Variants in MFSD6 observed in about 807,000 individuals in gnomAD.
MFSD6 encodes the protein major facilitator superfamily domain-containing protein 6.
Under a neutral mutation model 56.3 loss-of-function variants are expected in MFSD6, and 26 were observed. The ratio of observed to expected loss-of-function variants is 0.46; its 90% CI spans 0.34 to 0.64. The LOEUF (loss-of-function observed/expected upper bound fraction) is 0.64. Ranked by LOEUF, MFSD6 falls within the 30% of genes least tolerant of loss-of-function variation. MFSD6 has a pLI of 0.01. For missense variants in MFSD6, 750 were observed against 986.2 expected (o/e 0.76, Z 3.21); for synonymous variants, 331 against 366.9 (o/e 0.90, Z 1.12).
chr2:190,500,283 C>T lies in MFSD6; in HGVS notation c.*65C>T, dbSNP rs953700452. On this transcript the variant is annotated 3_prime_UTR_variant, in exon 8 of 8. Coordinates refer to ENST00000392328, the MANE Select transcript of MFSD6 (RefSeq NM_017694.4). The surrounding 1 kb of genome is among the most constrained non-coding windows in gnomAD (Gnocchi z 5.3). The stretch of plus-strand genomic sequence containing the variant: ...TCCTCAGCCAGGACACAGGGTGAGG[C>T]CCCCCAGCCAGGATATGCCTCCCCT... 18 of 1,559,210 alleles carry T rather than the reference C, an allele frequency of 1.2e-5. No individual in the cohort carries two copies. In the African/African-American group the frequency reaches 1.6e-4, roughly 14 times the overall value.
chr2:190,467,568 G>T lies in MFSD6; in HGVS notation c.1533-2190G>T, dbSNP rs985202704. ...GCGGAGGTTTCAGTGAGCCGAGATC[G>T]TGCCACTGCTCTCTAGCCTCGGCAA... On this transcript the variant is annotated intron_variant, in intron 3 of 7. Coordinates refer to ENST00000392328, the MANE Select transcript of MFSD6 (RefSeq NM_017694.4). The surrounding 1 kb of genome is among the most constrained non-coding windows in gnomAD (Gnocchi z 5.5). Among the ~76,000 whole-genome samples the T allele has an allele frequency of 6.6e-6, 1 of 152,198 alleles. No individual in the cohort carries two copies. Among genetic ancestry groups the T allele is most frequent in the African/African-American group, 2.4e-5 (1 of 41,524 alleles).
chr2:190,412,084 A>C lies in MFSD6; in HGVS notation c.-175-3208A>C, dbSNP rs1690584234. ...AAGCAAGTTATCATAAAGTTAAACT[A>C]ATCTGATGCATATGTACTTGTTAAA... On this transcript the variant is annotated intron_variant, in intron 1 of 7. Transcript: ENST00000392328. The surrounding 1 kb of genome is among the most constrained non-coding windows in gnomAD (Gnocchi z 4.1). 2.0e-5 allele frequency: 20 copies of C among 984,822 alleles called. No individual in the cohort carries two copies. The highest frequency in any genetic ancestry group is 2.4e-5 in the Non-Finnish European group (20 of 829,368). The allele number at this position is 984,822 out of a possible 1,614,324, so 61.0% of individuals were successfully genotyped here.
chr2:190,460,104 T>C lies in MFSD6; in HGVS notation c.1533-9654T>C, dbSNP rs143334381. Among the ~76,000 whole-genome samples, 140 of 152,338 alleles carry C rather than the reference T, an allele frequency of 9.2e-4. 1 individual carries two copies. The highest frequency in any genetic ancestry group is 1.4e-3 in the Non-Finnish European group (98 of 68,038). On this transcript the variant is annotated intron_variant, in intron 3 of 7. Coordinates refer to ENST00000392328, the MANE Select transcript of MFSD6 (RefSeq NM_017694.4). Reference sequence around the variant, plus strand: ...TTACTCTTCTGGTGAGATAGGCTTGTGGTGAGCAGAACCCTGTTATCTGCT... The same window carrying C: ...TTACTCTTCTGGTGAGATAGGCTTGCGGTGAGCAGAACCCTGTTATCTGCT...
At position 190,495,596 on chromosome 2, in the gene MFSD6, T is replaced by A. The variant is rs1209490232; in HGVS notation, c.1892-1843T>A. 6.6e-6 allele frequency among the ~76,000 whole-genome samples: 1 copy of A among 152,124 alleles called. No homozygotes were observed. Among genetic ancestry groups the A allele is most frequent in the Non-Finnish European group, 1.5e-5 (1 of 68,022 alleles). On this transcript the variant is annotated intron_variant, in intron 6 of 7. Transcript: ENST00000392328. This position sits in a 1 kb window ranked among gnomAD's most constrained non-coding sequence, Gnocchi z 4.7. ...GGCATCACACTACCTGATTTCAAAC[T>A]ATACTATAAGGCCATAGTCACCAAA... is the stretch of plus-strand genomic sequence containing the variant.
chr2:190,457,058 C>T lies in MFSD6; in HGVS notation c.1533-12700C>T, dbSNP rs951350847. Among the ~76,000 whole-genome samples, 1 of 152,226 alleles carries T rather than the reference C, an allele frequency of 6.6e-6. No homozygotes were observed. The highest frequency in any genetic ancestry group is 1.5e-5 in the Non-Finnish European group (1 of 68,044). On this transcript the variant is annotated intron_variant, in intron 3 of 7. Coordinates refer to ENST00000392328, the MANE Select transcript of MFSD6 (RefSeq NM_017694.4). This position sits in a 1 kb window ranked among gnomAD's most constrained non-coding sequence, Gnocchi z 5.1. ...TGAGTTCAGAAGTCCAGAAGTCTATCTACACTAACACTGCTAGTCCGTTTC... is the reference window on the plus strand; with the variant it reads ...TGAGTTCAGAAGTCCAGAAGTCTATTTACACTAACACTGCTAGTCCGTTTC...
rs1574188529 is a variant in MFSD6 at position 190,471,561 on chromosome 2, T to A, written c.1630+1706T>A. On this transcript the variant is annotated intron_variant, in intron 4 of 7. Transcript: ENST00000392328. The surrounding 1 kb of genome is among the most constrained non-coding windows in gnomAD (Gnocchi z 4.7). ...CTGGGGGAGGGGCACCCGCCATTGC[T>A]GAGGCTTGAGTAGGTAAACAAAGCA... Among the ~76,000 whole-genome samples the A allele has an allele frequency of 6.6e-6, 1 of 152,286 alleles. No homozygotes were observed. The highest frequency in any genetic ancestry group is 2.1e-4 in the South Asian group (1 of 4,822).
Position 190,461,601 on chromosome 2 carries a change from G to A in MFSD6, c.1533-8157G>A, listed in dbSNP as rs7603607. Among the ~76,000 whole-genome samples the A allele has an allele frequency of 0.44, 66,316 of 152,024 alleles. 15,051 individuals are homozygous for A. Among genetic ancestry groups the A allele is most frequent in the East Asian group, 0.6 (3,103 of 5,164 alleles). On this transcript the variant is annotated intron_variant, in intron 3 of 7. Transcript: ENST00000392328. This position sits in a 1 kb window ranked among gnomAD's most constrained non-coding sequence, Gnocchi z 5.5. ...AGGTTCGGTGACTGGTAAAGGCCTCGTTCTCTGCCTCCCAGATAGCACCTT... is the reference window on the plus strand; with the variant it reads ...AGGTTCGGTGACTGGTAAAGGCCTCATTCTCTGCCTCCCAGATAGCACCTT...
At chr2:190,408,712 T>A (rs1575806645) in intron 1 of MFSD6, among the ~76,000 whole-genome samples, 2 of 134,122 alleles carry the variant, frequency 1.5e-5, no homozygotes, top group Non-Finnish European at 3.3e-5. Context: ...CCTCCCTCCC[T>A]CCCCCGGCTT....
chr2:190,447,496 G>A lies in MFSD6; in HGVS notation c.1532+9935G>A, dbSNP rs1418257040. Reference sequence around the variant, plus strand: ...AGGCCCTATCTTATACATATAGTCTGTGTCATAGCACATATGAAAAAATGA... The same window carrying A: ...AGGCCCTATCTTATACATATAGTCTATGTCATAGCACATATGAAAAAATGA... On this transcript the variant is annotated intron_variant, in intron 3 of 7. Transcript: ENST00000392328. The surrounding 1 kb of genome is among the most constrained non-coding windows in gnomAD (Gnocchi z 4.5). Among the ~76,000 whole-genome samples, 3 of 152,008 alleles carry A rather than the reference G, an allele frequency of 2.0e-5. No homozygotes were observed. Among genetic ancestry groups the A allele is most frequent in the African/African-American group, 7.2e-5 (3 of 41,380 alleles).
At position 190,431,545 on chromosome 2, in the gene MFSD6, A is replaced by T. The variant is rs907119551; in HGVS notation, c.-53-4432A>T. ...CAGCGAAACCCCGTCTCCACCAAAA[A>T]AATACGAAAACCAGTCAGGTGTGGC... On this transcript the variant is annotated intron_variant, in intron 2 of 7. Transcript: ENST00000392328. This position sits in a 1 kb window ranked among gnomAD's most constrained non-coding sequence, Gnocchi z 4.4. Among the ~76,000 whole-genome samples the T allele has an allele frequency of 2.0e-5, 3 of 152,194 alleles. No individual in the cohort carries two copies. The highest frequency in any genetic ancestry group is 7.2e-5 in the African/African-American group (3 of 41,448).
Position 190,413,077 on chromosome 2 carries a change from C to T in MFSD6, c.-175-2215C>T, listed in dbSNP as rs904664794. ...CTATGTTATGGCTTTAAAAAGAGCA[C>T]ACCCTCCCAAACCCCCACCTCTACC... is the stretch of plus-strand genomic sequence containing the variant. On this transcript the variant is annotated intron_variant, in intron 1 of 7. Coordinates refer to ENST00000392328, the MANE Select transcript of MFSD6 (RefSeq NM_017694.4). The surrounding 1 kb of genome is among the most constrained non-coding windows in gnomAD (Gnocchi z 4.1). Among the ~76,000 whole-genome samples, 13 of 152,186 alleles carry T rather than the reference C, an allele frequency of 8.5e-5. No individual in the cohort carries two copies. Among genetic ancestry groups the T allele is most frequent in the Non-Finnish European group, 1.9e-4 (13 of 68,040 alleles).
intron 4 of MFSD6, among the ~76,000 whole-genome samples, chr2:190,483,429 T>A (rs1688814890): frequency 6.6e-6 from 1 of 152,232 alleles, no homozygotes; most frequent in South Asian, 2.1e-4. Flanking sequence ...TGCCTTGGTT[T>A]CCTTTTTGGA....
rs775845991 is a variant in MFSD6, at chr2:190,500,253, C to G, written c.*35C>G. 1 of 1,610,736 alleles carries G rather than the reference C, an allele frequency of 6.2e-7. No individual in the cohort carries two copies. Among genetic ancestry groups the G allele is most frequent in the South Asian group, 1.1e-5 (1 of 90,866 alleles). On this transcript the variant is annotated 3_prime_UTR_variant, in exon 8 of 8. Transcript: ENST00000392328. The surrounding 1 kb of genome is among the most constrained non-coding windows in gnomAD (Gnocchi z 5.3). ...GCTCATCTCACACCCTGCATGGAAT[C>G]AGGCTCCTCAGCCAGGACACAGGGT...
intron 3 of MFSD6, among the ~76,000 whole-genome samples, chr2:190,444,518 A>G (rs564814795): frequency 6.6e-6 from 1 of 152,370 alleles, no homozygotes; most frequent in East Asian, 1.9e-4. Flanking sequence ...TTGCAGATGT[A>G]AAGTGGCTGT....
At position 190,423,420 on chromosome 2, in the gene MFSD6, T is replaced by C. The variant is rs1227238283; in HGVS notation, c.-54+8007T>C. On this transcript the variant is annotated intron_variant, in intron 2 of 7. Transcript: ENST00000392328. The surrounding 1 kb of genome is among the most constrained non-coding windows in gnomAD (Gnocchi z 4.3). The stretch of plus-strand genomic sequence containing the variant: ...TTTGAGATAGGATTTTTTCATTCTA[T>C]AATTATCTGGAAATTTATCCAGTTT... Among the ~76,000 whole-genome samples, 2 of 152,238 alleles carry C rather than the reference T, an allele frequency of 1.3e-5. No individual in the cohort carries two copies. The highest frequency in any genetic ancestry group is 4.8e-5 in the African/African-American group (2 of 41,468).
In MFSD6 at chr2:190,496,658, A is replaced by G. The variant is rs1455162515; in HGVS notation, c.1892-781A>G. On this transcript the variant is annotated intron_variant, in intron 6 of 7. Coordinates refer to ENST00000392328, the MANE Select transcript of MFSD6 (RefSeq NM_017694.4). The surrounding 1 kb of genome is among the most constrained non-coding windows in gnomAD (Gnocchi z 4.7). Reference sequence around the variant, plus strand: ...TGTGTATATATATGTATATGTGTATATGTGTGTGTATGTGTGTGTGTATAT... The same window carrying G: ...TGTGTATATATATGTATATGTGTATGTGTGTGTGTATGTGTGTGTGTATAT... 6.6e-6 allele frequency among the ~76,000 whole-genome samples: 1 copy of G among 151,794 alleles called. No homozygotes were observed. The highest frequency in any genetic ancestry group is 2.4e-5 in the African/African-American group (1 of 41,174).
chr2:190,416,508 C>T lies in MFSD6; in HGVS notation c.-54+1095C>T, dbSNP rs2124987559. ...TTACAATAGTGTGTTCTCCAGTGAA[C>T]CAGTGCCTCACAGGCCCCCATCAGG... On this transcript the variant is annotated intron_variant, in intron 2 of 7. Coordinates refer to ENST00000392328, the MANE Select transcript of MFSD6 (RefSeq NM_017694.4). The surrounding 1 kb of genome is among the most constrained non-coding windows in gnomAD (Gnocchi z 4.1). 6.6e-6 allele frequency among the ~76,000 whole-genome samples: 1 copy of T among 152,298 alleles called. No individual in the cohort carries two copies. The highest frequency in any genetic ancestry group is 2.1e-4 in the South Asian group (1 of 4,828).
chr2:190,431,588 G>A lies in MFSD6; in HGVS notation c.-53-4389G>A, dbSNP rs905410619. ...GGTGTGGCGGCGCGCGCCTGCAATC[G>A]CAGGCACTTGGCAGGCTGAGGCAGG... On this transcript the variant is annotated intron_variant, in intron 2 of 7. Coordinates refer to ENST00000392328, the MANE Select transcript of MFSD6 (RefSeq NM_017694.4). This position sits in a 1 kb window ranked among gnomAD's most constrained non-coding sequence, Gnocchi z 4.4. 7.9e-5 allele frequency among the ~76,000 whole-genome samples: 12 copies of A among 152,322 alleles called. No individual in the cohort carries two copies. The highest frequency in any genetic ancestry group is 2.6e-4 in the African/African-American group (11 of 41,580).
rs1188536528 is a variant in MFSD6 at position 190,439,062 on chromosome 2, C to T, written c.1532+1501C>T. On this transcript the variant is annotated intron_variant, in intron 3 of 7. Transcript: ENST00000392328. This position sits in a 1 kb window ranked among gnomAD's most constrained non-coding sequence, Gnocchi z 5.8. ...TAAGACCATTCTGAAAGAGAGCCCA[C>T]ATAATATTAAGGACTCGGAATGCCC... 6.6e-6 allele frequency among the ~76,000 whole-genome samples: 1 copy of T among 152,034 alleles called. No individual in the cohort carries two copies. Among genetic ancestry groups the T allele is most frequent in the Non-Finnish European group, 1.5e-5 (1 of 68,028 alleles).
Sources: allele counts gnomAD v4.1 joint callset (sites outside exome capture counted in the v4.1 genomes callset), GRCh38; gene constraint gnomAD v4.1.1; non-coding constraint Gnocchi (gnomAD v3.1); transcripts MANE v1.5; gene names NCBI Gene and HGNC (gene_info 2026-07-23, HGNC 2026-07-21).